The following MSI2 variants were observed in gnomAD, a reference collection of about 807,000 sequenced individuals.
MSI2 encodes the protein RNA-binding protein Musashi homolog 2.
Under a neutral mutation model 45.6 loss-of-function variants are expected in MSI2, and 17 were observed. That is an observed-to-expected ratio of 0.37 (90% CI 0.26 to 0.56). The LOEUF (loss-of-function observed/expected upper bound fraction) is 0.56, where lower values mean the gene tolerates loss of function less well. Among genes scored for constraint, MSI2 ranks in the 20% least tolerant of loss-of-function variants. The probability of loss-of-function intolerance (pLI) is 0.77; values close to 1 mark genes in which losing one functional copy is unlikely to be tolerated. For missense variants in MSI2, 293 were observed against 444.2 expected (o/e 0.66, Z 3.06); for synonymous variants, 156 against 158.2 (o/e 0.99, Z 0.11).
chr17:57,277,165 C>T (rs1908944476), intron 5 of MSI2, among the ~76,000 whole-genome samples: 1 of 149,656 alleles, frequency 6.7e-6, no homozygotes, highest in Admixed American at 6.7e-5. Flanking sequence ...AAGTGATTCT[C>T]TTGCCTCAGT....
Position 57,659,509 on chromosome 17 carries a change from T to G in MSI2, c.790+7348T>G, listed in dbSNP as rs536097973. Among the ~76,000 whole-genome samples the G allele has an allele frequency of 2.0e-5, 3 of 152,290 alleles. No individual in the cohort carries two copies. The South Asian group carries it at 6.2e-4, about 32-fold the overall frequency. ...CCTGGTTTACAAGCATGTTTTTGTT[T>G]TGTTTTTGTGAGAAAGCTGGGCTAC... On this transcript the variant is annotated intron_variant, in intron 11 of 13. Coordinates refer to ENST00000284073, the MANE Select transcript of MSI2 (RefSeq NM_138962.4).
At chr17:57,470,468 G>A (rs1035927124) in intron 6 of MSI2, among the ~76,000 whole-genome samples, 1 of 152,070 alleles carries the variant, frequency 6.6e-6, no homozygotes, top group African/African-American at 2.4e-5. Flanking sequence ...AGTAGAGATG[G>A]GGTTTCACTA....
intron 5 of MSI2, among the ~76,000 whole-genome samples, chr17:57,289,630 T>C (rs1302680895): frequency 6.6e-6 from 1 of 152,164 alleles, no homozygotes; most frequent in Non-Finnish European, 1.5e-5. Context: ...TAAAGGTAAA[T>C]TATCAGATGA....
At chr17:57,390,793 A>T (rs2083776126) in intron 5 of MSI2, among the ~76,000 whole-genome samples, 1 of 152,158 alleles carries the variant, frequency 6.6e-6, no homozygotes, top group Non-Finnish European at 1.5e-5. Context: ...TGGGCTCTGG[A>T]AATCCTCTCT....
chr17:57,466,489 A>C (rs981550705), intron 6 of MSI2, among the ~76,000 whole-genome samples: 1 of 152,126 alleles, frequency 6.6e-6, no homozygotes, highest in African/African-American at 2.4e-5. Context: ...AGATATTGAA[A>C]ATGTCAGCAG....
intron 10 of MSI2, chr17:57,628,825 G>C: frequency 6.5e-6 from 1 of 152,700 alleles, no homozygotes; most frequent in East Asian, 1.9e-4. Flanking sequence ...CCCAGCAGCA[G>C]GCTGCTTCAG....
In MSI2 at chr17:57,489,812, G is replaced by A. The variant is rs554864199; in HGVS notation, c.406-39864G>A. Among the ~76,000 whole-genome samples the A allele has an allele frequency of 3.9e-5, 6 of 152,312 alleles. No homozygotes were observed. In the South Asian group the frequency reaches 6.2e-4, roughly 16 times the overall value. On this transcript the variant is annotated intron_variant, in intron 6 of 13. Transcript: ENST00000284073. ...CCTTTGCTAAGAAACAGGACTTGGG[G>A]AGAAAGAAGAAAAGCAACAAAGTGG...
intron 5 of MSI2, among the ~76,000 whole-genome samples, chr17:57,295,992 CTTTTTTTTTTTTTTTTTTTTTTT>C (rs386386327): frequency 5.2e-5 from 2 of 38,624 alleles, no homozygotes; most frequent in South Asian, 1.9e-3. Flanking sequence ...CGCAGCCTTC[CTTTTTTTTTTTTTTTTTTTTTTT>C]TTTTTTTTTT....
chr17:57,502,722 G>A (rs1194268746), intron 6 of MSI2, among the ~76,000 whole-genome samples: 1 of 148,880 alleles, frequency 6.7e-6, no homozygotes, highest in African/African-American at 2.5e-5. Flanking sequence ...GTGATCAGAG[G>A]TCCTGATGAG....
rs114561618 is a variant in MSI2, at chr17:57,557,161, G to A, written c.454+27437G>A. ...GCCAAAGGCATGGCAGATGGTACAC[G>A]GAAATATCACCTTCTTAAGAAACGT... On this transcript the variant is annotated intron_variant, in intron 7 of 13. Coordinates refer to ENST00000284073, the MANE Select transcript of MSI2 (RefSeq NM_138962.4). Among the ~76,000 whole-genome samples, 483 of 152,286 alleles carry A rather than the reference G, an allele frequency of 3.2e-3. 3 individuals carry two copies. The highest frequency in any genetic ancestry group is 8.3e-3 in the African/African-American group (345 of 41,562).
intron 5 of MSI2, among the ~76,000 whole-genome samples, chr17:57,322,345 A>G (rs1212667583): frequency 6.6e-6 from 1 of 152,166 alleles, no homozygotes; most frequent in Non-Finnish European, 1.5e-5. Flanking sequence ...TGGTTCTCAG[A>G]GTCTGATTAG....
intron 5 of MSI2, among the ~76,000 whole-genome samples, chr17:57,283,927 G>A (rs1306186347): frequency 6.6e-6 from 1 of 152,176 alleles, no homozygotes; most frequent in Admixed American, 6.5e-5. Flanking sequence ...TTTCTATCCC[G>A]GAGACCCTTG....
chr17:57,390,532 C>T (rs1028028220), intron 5 of MSI2, among the ~76,000 whole-genome samples: 1 of 152,202 alleles, frequency 6.6e-6, no homozygotes, highest in African/African-American at 2.4e-5. Flanking sequence ...TTAGGTAAAA[C>T]TTGCTCATCA....
rs1490359382 is a variant in MSI2, at chr17:57,680,776, A to T, written c.*1259A>T. On this transcript the variant is annotated 3_prime_UTR_variant, in exon 14 of 14. Transcript: ENST00000284073. ...CTTGGGTGGGGGTGGGGTGGGGGGG[A>T]CATTCTTTTTCAGTCTTAATTTTTA... is the stretch of plus-strand genomic sequence containing the variant. 1 of 204,166 alleles carries T rather than the reference A, an allele frequency of 4.9e-6. No homozygotes were observed. Among genetic ancestry groups the T allele is most frequent in the Admixed American group, 6.1e-5 (1 of 16,446 alleles). 12.6% of individuals were successfully genotyped at this position (204,166 alleles called of 1,614,324 possible).
At chr17:57,584,441 G>A (rs538676861) in intron 7 of MSI2, among the ~76,000 whole-genome samples, 15 of 152,334 alleles carry the variant, frequency 9.8e-5, no homozygotes, top group African/African-American at 3.6e-4. Context: ...CAGTGTAGCC[G>A]GGTGGGGTCA....
rs566573468 is a variant in MSI2, at chr17:57,586,095, C to T, written c.455-10773C>T. 5.9e-5 allele frequency among the ~76,000 whole-genome samples: 9 copies of T among 152,328 alleles called. 1 individual carries two copies. The highest frequency in any genetic ancestry group is 2.2e-4 in the African/African-American group (9 of 41,574). ...TTCCCGACCAAGATGGAACACCACG[C>T]ACAAAAAATAGGTTTGTGAACTAAT... is the stretch of plus-strand genomic sequence containing the variant. On this transcript the variant is annotated intron_variant, in intron 7 of 13. Coordinates refer to ENST00000284073, the MANE Select transcript of MSI2 (RefSeq NM_138962.4).
chr17:57,623,745 C>T (rs1405006056), intron 9 of MSI2, among the ~76,000 whole-genome samples: 1 of 152,166 alleles, frequency 6.6e-6, no homozygotes, highest in Non-Finnish European at 1.5e-5. Context: ...CTTGACGGAG[C>T]GTCTGCACGG....
At chr17:57,269,873 T>A (rs532783076) in intron 5 of MSI2, among the ~76,000 whole-genome samples, 2 of 152,272 alleles carry the variant, frequency 1.3e-5, no homozygotes, top group East Asian at 3.9e-4. Flanking sequence ...TATGCATTTT[T>A]GGAATCATGA....
intron 5 of MSI2, among the ~76,000 whole-genome samples, chr17:57,352,593 G>A (rs1368157560): frequency 1.3e-5 from 2 of 152,202 alleles, no homozygotes; most frequent in South Asian, 2.1e-4. Context: ...ACAAAGGTCT[G>A]TGATTTTAGG....
Sources: allele counts gnomAD v4.1 joint callset (sites outside exome capture counted in the v4.1 genomes callset), GRCh38; gene constraint gnomAD v4.1.1; transcripts MANE v1.5; gene names NCBI Gene and HGNC (gene_info 2026-07-23, HGNC 2026-07-21).